The following DAB1 variants were observed in gnomAD, a reference collection of about 807,000 sequenced individuals.
DAB1 encodes disabled homolog 1.
In DAB1, 15 loss-of-function variants were observed where a neutral mutation model predicts 64.6. That is an observed-to-expected ratio of 0.23 (90% CI 0.16 to 0.36). The LOEUF is 0.36. Among genes scored for constraint, DAB1 ranks in the 10% least tolerant of loss-of-function variants. The probability of loss-of-function intolerance (pLI) is 1.00; values close to 1 mark genes in which losing one functional copy is unlikely to be tolerated. For synonymous variants in DAB1, 235 were observed against 251.9 expected, an observed-to-expected ratio of 0.93 and a Z score of 0.64; for missense variants, 596 against 706.7, an observed-to-expected ratio of 0.84 and a Z score of 1.78.
At chr1:57,876,867 C>A (rs1234156624) in intron 1 of DAB1, 2 of 151,978 alleles carry the variant, frequency 1.3e-5, no homozygotes, top group African/African-American at 2.4e-5. Context: ...GAGGAGATGC[C>A]TCTGGGCTAA....
At chr1:57,737,887 C>G (rs1000149799) in intron 6 of DAB1, among the ~76,000 whole-genome samples, 1 of 152,184 alleles carries the variant, frequency 6.6e-6, no homozygotes, top group African/African-American at 2.4e-5. Context: ...CATCTGCCCC[C>G]CTCTGCCTCA....
chr1:58,224,381 A>G (rs765601223), intron 4 of DAB1, among the ~76,000 whole-genome samples: 1 of 152,258 alleles, frequency 6.6e-6, no homozygotes, highest in African/African-American at 2.4e-5. Context: ...CTAAAGGAAC[A>G]GCACTTTTTT....
chr1:58,154,372 T>C (rs911191828), intron 4 of DAB1, among the ~76,000 whole-genome samples: 16 of 152,096 alleles, frequency 1.1e-4, no homozygotes, highest in Admixed American at 1.0e-3. Flanking sequence ...GACTACAATC[T>C]AGGCAGAATG....
intron 2 of DAB1, among the ~76,000 whole-genome samples, chr1:57,218,078 T>C (rs1666561527): frequency 6.6e-6 from 1 of 152,132 alleles, no homozygotes; most frequent in South Asian, 2.1e-4. Context: ...TACCATGCTG[T>C]AGGAATGCAG....
chr1:57,255,893 C>T (rs1669721945), intron 2 of DAB1, among the ~76,000 whole-genome samples: 1 of 152,154 alleles, frequency 6.6e-6, no homozygotes, highest in Non-Finnish European at 1.5e-5. Context: ...AAGAGGCTGC[C>T]ATTTCCTGAC....
At chr1:57,255,003 AT>A (rs985626063) in intron 2 of DAB1, among the ~76,000 whole-genome samples, 2 of 151,974 alleles carry the variant, frequency 1.3e-5, no homozygotes, top group Non-Finnish European at 2.9e-5. Flanking sequence ...AAAGACTACT[AT>A]TTTTTTTCTT....
At chr1:57,088,469 G>C (rs1653316635) in intron 4 of DAB1, among the ~76,000 whole-genome samples, 1 of 152,174 alleles carries the variant, frequency 6.6e-6, no homozygotes, top group Admixed American at 6.5e-5. Context: ...GCTGCCAGAG[G>C]AATTTACTGT....
chr1:57,757,859 C>T (rs534829266), intron 6 of DAB1, among the ~76,000 whole-genome samples: 36 of 152,184 alleles, frequency 2.4e-4, no homozygotes, highest in African/African-American at 8.2e-4. Context: ...CTGTGTTGCC[C>T]AGGCTGAAGT....
chr1:57,804,420 GC>G (rs1261903099), intron 6 of DAB1, among the ~76,000 whole-genome samples: 1 of 152,076 alleles, frequency 6.6e-6, no homozygotes, highest in Admixed American at 6.6e-5. Flanking sequence ...TGGAGCTCTG[GC>G]CCCCTGCAAA....
intron 4 of DAB1, among the ~76,000 whole-genome samples, chr1:58,244,632 T>C (rs1433890069): frequency 6.6e-6 from 1 of 152,206 alleles, no homozygotes; most frequent in Admixed American, 6.5e-5. Context: ...CTTGAGTTTA[T>C]ACCCAAGCTC....
Position 57,011,279 on chromosome 1 carries a change from A to G in DAB1, c.1445-7T>C, listed in dbSNP as rs765476976. ...CTAGGGGCTGGGGTTGGAGCTACACAGAGACCACAGAAAAAGAGACATCTT... is the reference window on the plus strand; with the variant it reads ...CTAGGGGCTGGGGTTGGAGCTACACGGAGACCACAGAAAAAGAGACATCTT... On this transcript the variant is annotated splice_region_variant and splice_polypyrimidine_tract_variant and intron_variant, in intron 12 of 14. Transcript: ENST00000371236. 6.2e-7 allele frequency: 1 copy of G among 1,610,838 alleles called. No homozygotes were observed. The highest frequency in any genetic ancestry group is 8.5e-7 in the Non-Finnish European group (1 of 1,178,826).
At chr1:57,158,633 T>C (rs949020014) in intron 2 of DAB1, among the ~76,000 whole-genome samples, 2 of 152,202 alleles carry the variant, frequency 1.3e-5, no homozygotes, top group Non-Finnish European at 2.9e-5. Flanking sequence ...CTAAATTCTA[T>C]CTTGCAATTA....
chr1:57,728,248 G>C (rs1647264810), intron 6 of DAB1, among the ~76,000 whole-genome samples: 1 of 152,136 alleles, frequency 6.6e-6, no homozygotes, highest in Non-Finnish European at 1.5e-5. Flanking sequence ...AGTTTGGTTA[G>C]TTCACAAACT....
chr1:57,219,434 A>G (rs1209784176), intron 2 of DAB1, among the ~76,000 whole-genome samples: 1 of 152,152 alleles, frequency 6.6e-6, no homozygotes, highest in African/African-American at 2.4e-5. Context: ...GGTGCTTTCA[A>G]ATCTATTTAT....
At chr1:58,064,271 G>C (rs1163334630) in intron 5 of DAB1, among the ~76,000 whole-genome samples, 1 of 152,202 alleles carries the variant, frequency 6.6e-6, no homozygotes, top group Non-Finnish European at 1.5e-5. Context: ...CAATCTGTCT[G>C]AGAAATGTGA....
At chr1:58,057,807 G>C (rs1412764068) in intron 5 of DAB1, among the ~76,000 whole-genome samples, 2 of 152,052 alleles carry the variant, frequency 1.3e-5, no homozygotes, top group South Asian at 4.1e-4. Flanking sequence ...ACTCCACATT[G>C]AGTGCCCACA....
intron 7 of DAB1, among the ~76,000 whole-genome samples, chr1:57,566,131 C>G (rs937325645): frequency 2.0e-5 from 3 of 152,184 alleles, no homozygotes; most frequent in Non-Finnish European, 4.4e-5. Flanking sequence ...TCACTCAAAA[C>G]CACTCAACTA....
rs550164888 is a variant in DAB1, at chr1:57,664,500, T to C, written n.552-14835A>G. ...TATTATGTAAACAGTTACAACTTTATGTCAACATAAACCCAATGCCATAAA... is the reference window on the plus strand; with the variant it reads ...TATTATGTAAACAGTTACAACTTTACGTCAACATAAACCCAATGCCATAAA... On this transcript the variant is annotated intron_variant and non_coding_transcript_variant, in intron 6 of 20. Coordinates refer to the DAB1 transcript ENST00000485760. Among the ~76,000 whole-genome samples the C allele has an allele frequency of 6.6e-5, 10 of 152,284 alleles. No individual in the cohort carries two copies. In the East Asian group the frequency reaches 1.9e-3, roughly 29 times the overall value.
At chr1:57,439,418 G>GTTTTTTGTTTTTTTTTT in intron 7 of DAB1, among the ~76,000 whole-genome samples, 9 of 116,172 alleles carry the variant, frequency 7.7e-5, no homozygotes, top group African/African-American at 1.1e-4. Flanking sequence ...TGGTGATGAG[G>GTTTTTTGTTTTTTTTTT]TTTTTTCTTT....
Sources: allele counts gnomAD v4.1 joint callset (sites outside exome capture counted in the v4.1 genomes callset), GRCh38; gene constraint gnomAD v4.1.1; transcripts MANE v1.5; gene names NCBI Gene and HGNC (gene_info 2026-07-23, HGNC 2026-07-21).